ROBO1: variants seen among roughly 807,000 people sequenced by gnomAD.
ROBO1 encodes the protein roundabout homolog 1.
Under a neutral mutation model 195.9 loss-of-function variants are expected in ROBO1, and 149 were observed. The observed-to-expected ratio is 0.76, with a 90% confidence interval of 0.67 to 0.87. The LOEUF (loss-of-function observed/expected upper bound fraction) is 0.87. Among genes scored for constraint, ROBO1 ranks in the 40% least tolerant of loss-of-function variants. The pLI is 0.00. For missense variants in ROBO1, 1,933 were observed against 2,068.3 expected, an observed-to-expected ratio of 0.93 and a Z score of 1.27; for synonymous variants, 816 against 733.2, an observed-to-expected ratio of 1.11 and a Z score of -1.82.
chr3:78,623,318 C>A (rs1347943029), intron 26 of ROBO1, among the ~76,000 whole-genome samples: 3 of 152,082 alleles, frequency 2.0e-5, no homozygotes, highest in African/African-American at 7.2e-5. Flanking sequence ...TAGGTGTTAG[C>A]TCCAAAAGGA....
intron 4 of ROBO1, among the ~76,000 whole-genome samples, chr3:78,915,833 A>G (rs331184): frequency 0.3 from 45,165 of 151,898 alleles, 6,805 homozygotes; most frequent in Middle Eastern, 0.33. Flanking sequence ...TTTTTAAAAA[A>G]TGTTTATAGA....
chr3:78,651,869 T>C lies in ROBO1; in HGVS notation c.2675A>G (p.Asp892Gly). The C allele has an allele frequency of 6.2e-7, 1 of 1,613,770 alleles. No individual in the cohort carries two copies. The highest frequency in any genetic ancestry group is 8.5e-7 in the Non-Finnish European group (1 of 1,179,744). ...TATGAAGGCCGGCTGCTTCACCACA[T>C]CTGAAATCTGCTGAGCGAGGCTGAC... Reference protein sequence around the residue: ...DQVSLAQQISDVVKQPAFIAG... With the variant: ...DQVSLAQQISGVVKQPAFIAG... The change falls in exon 19 of 31, where the codon GAT (aspartate) becomes GGT (glycine). Residue 892 changes from aspartate (D) to glycine (G), a missense_variant. Around this residue, in one of 3 missense-constraint regions of ROBO1, gnomAD observed 1,737 missense variants for 1,882.5 expected, o/e 0.92. Transcript: ENST00000464233.
chr3:78,911,338 T>C (rs939423417), intron 4 of ROBO1, among the ~76,000 whole-genome samples: 2 of 152,044 alleles, frequency 1.3e-5, no homozygotes, highest in Non-Finnish European at 2.9e-5. Flanking sequence ...ATGGAAGTAA[T>C]GTATGGAGAA....
chr3:78,657,009 T>C, intron 18 of ROBO1, 89 bp downstream of exon 18: 1 of 1,243,552 alleles, frequency 8.0e-7, no homozygotes, highest in South Asian at 1.6e-5. Flanking sequence ...AAATTAGCAA[T>C]GGTGGGTGGC....
At chr3:79,086,145 A>C (rs1056771348) in intron 3 of ROBO1, among the ~76,000 whole-genome samples, 4 of 151,438 alleles carry the variant, frequency 2.6e-5, no homozygotes, top group Admixed American at 2.0e-4. Context: ...GTGGAATTTT[A>C]TCTAGGTACA....
In ROBO1 at chr3:79,438,218, A is replaced by AT. The variant is rs1179419946; in HGVS notation, c.88+151605dup. Among the ~76,000 whole-genome samples, 7 of 151,980 alleles carry AT rather than the reference A, an allele frequency of 4.6e-5. No individual in the cohort carries two copies. The East Asian group carries it at 1.2e-3, about 25-fold the overall frequency. On this transcript the variant is annotated intron_variant, in intron 2 of 30. Coordinates refer to ENST00000464233, the MANE Select transcript of ROBO1 (RefSeq NM_002941.4). ...TAATAATTTAAATACCTGCATTTTT[A>AT]TTTGTATAGTCTTAGAAGCATAACG...
At chr3:79,759,746 G>A (rs1704589639) in intron 1 of ROBO1, among the ~76,000 whole-genome samples, 1 of 152,148 alleles carries the variant, frequency 6.6e-6, no homozygotes, top group Non-Finnish European at 1.5e-5. Context: ...GATTCAGTGA[G>A]ATGACCATCC....
At chr3:79,345,190 G>A (rs763695033) in intron 2 of ROBO1, among the ~76,000 whole-genome samples, 7 of 152,174 alleles carry the variant, frequency 4.6e-5, no homozygotes, top group Non-Finnish European at 7.3e-5. Flanking sequence ...ACATTTCAGT[G>A]TATTTGAAAT....
At chr3:78,652,955 G>A (rs1350162722) in intron 18 of ROBO1, among the ~76,000 whole-genome samples, 1 of 151,982 alleles carries the variant, frequency 6.6e-6, no homozygotes, top group African/African-American at 2.4e-5. Flanking sequence ...CCCTGAGGGT[G>A]CCCACTGTGC....
At chr3:79,301,939 C>T (rs995553306) in intron 2 of ROBO1, among the ~76,000 whole-genome samples, 1 of 152,098 alleles carries the variant, frequency 6.6e-6, no homozygotes, top group African/African-American at 2.4e-5. Flanking sequence ...TGGACTATGT[C>T]ATCTCTCTTG....
intron 3 of ROBO1, among the ~76,000 whole-genome samples, chr3:78,940,630 C>T (rs2040079638): frequency 6.6e-6 from 1 of 152,232 alleles, no homozygotes; most frequent in African/African-American, 2.4e-5. Flanking sequence ...TACTCTATTT[C>T]AAATCTCTGC....
intron 1 of ROBO1, among the ~76,000 whole-genome samples, chr3:79,693,157 G>T (rs1167004203): frequency 6.6e-6 from 1 of 151,630 alleles, no homozygotes; most frequent in Non-Finnish European, 1.5e-5. Flanking sequence ...CAAAGAAAAT[G>T]ATAAGTGTAC....
rs995915836 is a variant in ROBO1 at position 79,008,509 on chromosome 3, G to A, written c.173-69582C>T. 2.7e-5 allele frequency among the ~76,000 whole-genome samples: 4 copies of A among 149,314 alleles called. No homozygotes were observed. In the South Asian group the frequency reaches 8.3e-4, roughly 31 times the overall value. On this transcript the variant is annotated intron_variant, in intron 3 of 30. Transcript: ENST00000464233. ...AATATATTTATTATGCAGCACGTACGTGTGTGTGTATACATATATATAGTA... is the reference window on the plus strand; with the variant it reads ...AATATATTTATTATGCAGCACGTACATGTGTGTGTATACATATATATAGTA...
chr3:79,461,470 C>G (rs1937634362), intron 2 of ROBO1, among the ~76,000 whole-genome samples: 1 of 152,142 alleles, frequency 6.6e-6, no homozygotes, highest in African/African-American at 2.4e-5. Flanking sequence ...GCACACCCTT[C>G]TAGAGGTCTC....
At chr3:79,122,955 G>T (rs1314687220) in intron 3 of ROBO1, among the ~76,000 whole-genome samples, 3 of 151,862 alleles carry the variant, frequency 2.0e-5, no homozygotes, top group Non-Finnish European at 2.9e-5. Flanking sequence ...ATAAACATCT[G>T]ATGTATAAAA....
chr3:79,058,613 C>A (rs1323031076), intron 3 of ROBO1, among the ~76,000 whole-genome samples: 3 of 152,058 alleles, frequency 2.0e-5, no homozygotes, highest in East Asian at 1.9e-4. Context: ...TTGTGTTAAG[C>A]CTCCTCACAT....
chr3:78,994,545 G>A (rs888459496), intron 3 of ROBO1, among the ~76,000 whole-genome samples: 7 of 152,104 alleles, frequency 4.6e-5, no homozygotes, highest in African/African-American at 1.7e-4. Flanking sequence ...GTGAAACACG[G>A]CTTTTAAAAG....
chr3:79,271,229 A>AT (rs1392973398), intron 2 of ROBO1, among the ~76,000 whole-genome samples: 3 of 151,910 alleles, frequency 2.0e-5, no homozygotes, highest in Admixed American at 6.6e-5. Flanking sequence ...CATTACCAGA[A>AT]TTTTTTTTAT....
At chr3:78,845,476 G>A (rs561877275) in intron 4 of ROBO1, among the ~76,000 whole-genome samples, 2 of 151,922 alleles carry the variant, frequency 1.3e-5, no homozygotes, top group East Asian at 3.8e-4. Flanking sequence ...TATTTTATAT[G>A]TATACACTTT....
Sources: gnomAD v4.1 joint callset for allele counts (sites outside exome capture counted in the v4.1 genomes callset) on GRCh38, gnomAD v4.1.1 for gene constraint, gnomAD v4.1.1 regional missense constraint, MANE v1.5 for transcripts, NCBI Gene and HGNC (gene_info 2026-07-23, HGNC 2026-07-21) for gene names.